ITGB5: variants seen among roughly 807,000 people sequenced by gnomAD.
ITGB5 encodes integrin subunit beta 5, also known as integrin beta-5.
ITGB5 carries 38 observed loss-of-function variants against 84.8 expected under a neutral mutation model. The observed-to-expected ratio is 0.45, with a 90% CI of 0.35 to 0.59. ITGB5 has a LOEUF of 0.59. ITGB5 is among the 20% of genes least tolerant of loss of function. ITGB5 has a pLI of 0.01. For missense variants in ITGB5, 905 were observed against 1,034.5 expected (o/e 0.87, Z 1.72); for synonymous variants, 393 against 414.4 (o/e 0.95, Z 0.63).
chr3:124,839,553 A>G (rs2064984044), intron 5 of ITGB5, among the ~76,000 whole-genome samples: 1 of 152,166 alleles, frequency 6.6e-6, no homozygotes, highest in Non-Finnish European at 1.5e-5. Context: ...TCTCTCTCCA[A>G]AAAAAGAAAA....
chr3:124,894,330 T>C (rs2107660934), intron 1 of ITGB5: 1 of 152,190 alleles, frequency 6.6e-6, no homozygotes, highest in Non-Finnish European at 1.5e-5. Context: ...AGACAGGGAT[T>C]CACCGTGTTA....
At chr3:124,891,984 G>T (rs554302944), upstream of ITGB5, among the ~76,000 whole-genome samples, 13 of 151,678 alleles carry the variant, frequency 8.6e-5, no homozygotes, top group South Asian at 2.7e-3. Flanking sequence ...AGGAAGAGAG[G>T]GAAAGAAATT....
intron 1 of ITGB5, chr3:124,901,263 C>T (rs989356473): frequency 1.3e-5 from 2 of 152,192 alleles, no homozygotes; most frequent in South Asian, 2.1e-4. Context: ...TGGTGGTGCT[C>T]ACCTGTAATC....
At chr3:124,845,836 A>G (rs765765413) in intron 4 of ITGB5, among the ~76,000 whole-genome samples, 3 of 152,200 alleles carry the variant, frequency 2.0e-5, no homozygotes, top group Non-Finnish European at 2.9e-5. Flanking sequence ...TTTCAGATGA[A>G]TTGAAAAAAG....
chr3:124,832,314 CA>C (rs766331339), intron 5 of ITGB5, among the ~76,000 whole-genome samples: 2 of 152,238 alleles, frequency 1.3e-5, no homozygotes, highest in Non-Finnish European at 2.9e-5. Flanking sequence ...GCCATACCAG[CA>C]GGTAGATAAG....
At chr3:124,798,146 G>A (rs904452571) in intron 9 of ITGB5, among the ~76,000 whole-genome samples, 1 of 138,250 alleles carries the variant, frequency 7.2e-6, no homozygotes, top group Non-Finnish European at 1.5e-5. Context: ...TCCACCTCCC[G>A]GGTTCAAGCC....
chr3:124,825,179 A>G (rs1443478193), intron 5 of ITGB5, among the ~76,000 whole-genome samples: 1 of 150,222 alleles, frequency 6.7e-6, no homozygotes, highest in African/African-American at 2.5e-5. Context: ...CCTGGGCAAC[A>G]GAGCGAGACT....
chr3:124,809,091 A>G lies in ITGB5; in HGVS notation c.1194T>C (p.Thr398=). 1.1e-5 allele frequency: 18 copies of G among 1,614,142 alleles called. No homozygotes were observed. Among genetic ancestry groups the G allele is most frequent in the Non-Finnish European group, 1.5e-5 (18 of 1,179,978 alleles). ...AGGATACCCCATCTTGGCAGGTAGC[A>G]GTAAAGAAGAGATTAAGATCCTCAG... ...DQPEDLNLFF[T]ATCQDGVSYP... is the part of the protein sequence containing the mutation. The change falls in exon 9 of 15, where the codon ACT becomes ACC. Residue 398 remains threonine, a synonymous_variant. Transcript: ENST00000296181.
intron 9 of ITGB5, among the ~76,000 whole-genome samples, chr3:124,807,026 CA>C (rs2064416132): frequency 6.6e-6 from 1 of 151,992 alleles, no homozygotes; most frequent in South Asian, 2.1e-4. Flanking sequence ...GATTTAAGCA[CA>C]AAAAAAGTTC....
At chr3:124,837,710 A>T (rs888431217) in intron 5 of ITGB5, among the ~76,000 whole-genome samples, 1 of 152,218 alleles carries the variant, frequency 6.6e-6, no homozygotes, top group African/African-American at 2.4e-5. Flanking sequence ...CATACCCCTA[A>T]ATCCCACAAG....
chr3:124,841,721 T>C (rs1366263727), intron 4 of ITGB5, among the ~76,000 whole-genome samples, 170 bp from the exon 5 acceptor site: 1 of 152,190 alleles, frequency 6.6e-6, no homozygotes. Context: ...ATAACATAGT[T>C]CCTGTTCTCC....
chr3:124,817,768 G>C, intron 7 of ITGB5, 58 bp from the exon 8 acceptor site: 1 of 968,764 alleles, frequency 1.0e-6, no homozygotes, highest in Non-Finnish European at 1.6e-6. Context: ...AACCATCAGA[G>C]TGAGCATTGC....
chr3:124,855,757 C>T (rs2065214542), intron 3 of ITGB5, among the ~76,000 whole-genome samples: 1 of 152,144 alleles, frequency 6.6e-6, no homozygotes, highest in Non-Finnish European at 1.5e-5. Flanking sequence ...TACACAGCAT[C>T]CACACTGTGG....
At chr3:124,780,309 C>T (rs1430581146) in intron 10 of ITGB5, among the ~76,000 whole-genome samples, 1 of 152,218 alleles carries the variant, frequency 6.6e-6, no homozygotes, top group Non-Finnish European at 1.5e-5. Context: ...AGCAGGACCG[C>T]AGTGGGGCTG....
intron 10 of ITGB5, among the ~76,000 whole-genome samples, chr3:124,777,087 C>T (rs969813712): frequency 2.6e-5 from 4 of 152,146 alleles, no homozygotes; most frequent in Admixed American, 6.6e-5. Flanking sequence ...AAGGTCAGGG[C>T]GGTTGAGTGT....
intron 2 of ITGB5, 64 bp downstream of exon 2, chr3:124,873,382 C>T (rs1013431915): frequency 1.8e-6 from 2 of 1,116,432 alleles, no homozygotes; most frequent in African/African-American, 1.5e-5. Context: ...TGGTGTTGGC[C>T]TCCTTCTCAC....
At chr3:124,801,752 AC>A (rs901006151) in intron 9 of ITGB5, among the ~76,000 whole-genome samples, 1 of 152,234 alleles carries the variant, frequency 6.6e-6, no homozygotes, top group African/African-American at 2.4e-5. Flanking sequence ...AAAGAATGGA[AC>A]CCACTTGCCA....
chr3:124,766,372 C>T (rs1016908131), intron 12 of ITGB5, 27 bp from the exon 13 acceptor site: 2 of 1,612,282 alleles, frequency 1.2e-6, no homozygotes, highest in Non-Finnish European at 1.7e-6. Context: ...CGGGAATGGC[C>T]TGAGTCTCTC....
chr3:124,807,754 G>A (rs1448759320), intron 9 of ITGB5, among the ~76,000 whole-genome samples: 2 of 151,478 alleles, frequency 1.3e-5, no homozygotes, highest in Non-Finnish European at 2.9e-5. Flanking sequence ...GACCATCCTG[G>A]CTACCATGGT....
Sources: gnomAD v4.1 joint callset for allele counts (sites outside exome capture counted in the v4.1 genomes callset) on GRCh38, gnomAD v4.1.1 for gene constraint, MANE v1.5 for transcripts, NCBI Gene and HGNC (gene_info 2026-07-23, HGNC 2026-07-21) for gene names.